The following GALNTL6 variants were observed in gnomAD, a reference collection of about 807,000 sequenced individuals.
The protein encoded by GALNTL6 is polypeptide N-acetylgalactosaminyltransferase-like 6.
GALNTL6 carries 46 observed loss-of-function variants against 73.7 expected under a neutral mutation model. The ratio of observed to expected loss-of-function variants is 0.62; its 90% CI spans 0.49 to 0.80. GALNTL6 has a LOEUF of 0.80. GALNTL6 is among the 30% of genes least tolerant of loss of function. The pLI is 0.00. For missense variants in GALNTL6, 604 were observed against 755.0 expected, an observed-to-expected ratio of 0.80 and a Z score of 2.34; for synonymous variants, 259 against 263.7, an observed-to-expected ratio of 0.98 and a Z score of 0.17.
intron 3 of GALNTL6, among the ~76,000 whole-genome samples, chr4:172,279,317 C>A (rs1738946437): frequency 6.6e-6 from 1 of 152,060 alleles, no homozygotes; most frequent in Non-Finnish European, 1.5e-5. Flanking sequence ...AATCAAATAT[C>A]TGATAAGGCA....
At chr4:172,705,674 C>G (rs1734307321) in intron 5 of GALNTL6, among the ~76,000 whole-genome samples, 2 of 151,984 alleles carry the variant, frequency 1.3e-5, no homozygotes, top group Non-Finnish European at 2.9e-5. Context: ...TCTTATAAGA[C>G]CAATGTGGTG....
chr4:172,213,085 A>G (rs868805124), intron 2 of GALNTL6, among the ~76,000 whole-genome samples: 7 of 135,550 alleles, frequency 5.2e-5, no homozygotes, highest in African/African-American at 1.5e-4. Context: ...AAAAAAATGC[A>G]TTTAAGTTTC....
At chr4:171,999,904 C>T (rs1740621193) in intron 2 of GALNTL6, among the ~76,000 whole-genome samples, 1 of 152,044 alleles carries the variant, frequency 6.6e-6, no homozygotes, top group Non-Finnish European at 1.5e-5. Context: ...AGCCTAACAC[C>T]GATATTCATA....
rs1733691450 is a variant in GALNTL6 at position 172,696,318 on chromosome 4, C to T, written c.554-113043C>T. Among the ~76,000 whole-genome samples, 3 of 152,300 alleles carry T rather than the reference C, an allele frequency of 2.0e-5. No individual in the cohort carries two copies. The South Asian group carries it at 6.2e-4, about 32-fold the overall frequency. On this transcript the variant is annotated intron_variant, in intron 5 of 12. Transcript: ENST00000506823. ...TTACAAACCTTAAAAGACTGTTTTC[C>T]TGTTGTTTCACATAATTTTAAATAT...
At chr4:172,434,838 T>C (rs908312075) in intron 5 of GALNTL6, among the ~76,000 whole-genome samples, 19 of 152,150 alleles carry the variant, frequency 1.2e-4, no homozygotes, top group African/African-American at 4.1e-4. Context: ...CTATATACTT[T>C]CTGATCTCAT....
intron 5 of GALNTL6, among the ~76,000 whole-genome samples, chr4:172,769,283 A>G (rs1738621873): frequency 6.6e-6 from 1 of 152,156 alleles, no homozygotes; most frequent in Non-Finnish European, 1.5e-5. Context: ...AAAAAAAGAT[A>G]TTTTAAAGAT....
intron 5 of GALNTL6, among the ~76,000 whole-genome samples, chr4:172,772,209 G>A (rs1321448003): frequency 1.3e-5 from 2 of 152,128 alleles, no homozygotes; most frequent in African/African-American, 4.8e-5. Flanking sequence ...ACAACATGTG[G>A]GAATTCAAAA....
chr4:172,214,063 C>A (rs919004996), intron 2 of GALNTL6, among the ~76,000 whole-genome samples: 2 of 152,200 alleles, frequency 1.3e-5, no homozygotes, highest in African/African-American at 4.8e-5. Flanking sequence ...ACTCTCCTTT[C>A]TCCACTGACT....
intron 2 of GALNTL6, among the ~76,000 whole-genome samples, chr4:172,028,633 C>T (rs114801678): frequency 9.3e-4 from 142 of 152,046 alleles, no homozygotes; most frequent in African/African-American, 3.0e-3. Context: ...TCTTTTTTAA[C>T]GGTCATTGGT....
chr4:172,335,184 G>C (rs1304611553), intron 4 of GALNTL6, among the ~76,000 whole-genome samples: 3 of 152,030 alleles, frequency 2.0e-5, no homozygotes. Context: ...CTGACCTTGT[G>C]ATCTACCCAC....
chr4:172,997,306 G>A (rs903924855), intron 10 of GALNTL6, among the ~76,000 whole-genome samples: 1 of 152,068 alleles, frequency 6.6e-6, no homozygotes, highest in Admixed American at 6.6e-5. Context: ...AATTAGACAT[G>A]GGTGCGAATC....
At chr4:172,951,465 G>GC (rs2126343855) in intron 9 of GALNTL6, among the ~76,000 whole-genome samples, 1 of 152,304 alleles carries the variant, frequency 6.6e-6, no homozygotes, top group African/African-American at 2.4e-5. Context: ...GCTTCCTTTA[G>GC]CCCCACTTCA....
At chr4:172,239,473 A>G (rs573946681) in intron 3 of GALNTL6, among the ~76,000 whole-genome samples, 1 of 151,968 alleles carries the variant, frequency 6.6e-6, no homozygotes, top group South Asian at 2.1e-4. Context: ...TTATTTGGAT[A>G]TTCTCTTTTT....
At chr4:172,221,295 T>C (rs1736667669) in intron 2 of GALNTL6, among the ~76,000 whole-genome samples, 1 of 151,840 alleles carries the variant, frequency 6.6e-6, no homozygotes, top group African/African-American at 2.4e-5. Context: ...ATATTGATTC[T>C]GGAGAACAAC....
intron 2 of GALNTL6, among the ~76,000 whole-genome samples, chr4:171,951,360 T>C (rs1319665824): frequency 6.6e-6 from 1 of 152,068 alleles, no homozygotes; most frequent in East Asian, 1.9e-4. Context: ...ATTGTAATGT[T>C]TGTATGTTAT....
At chr4:171,853,002 C>G (rs1403703418) in intron 2 of GALNTL6, among the ~76,000 whole-genome samples, 4 of 147,098 alleles carry the variant, frequency 2.7e-5, no homozygotes, top group Admixed American at 6.8e-5. Flanking sequence ...GCCGCCACCA[C>G]GCCCGGCTAA....
chr4:173,038,252 T>G (rs1449392099), intron 12 of GALNTL6, among the ~76,000 whole-genome samples: 1 of 152,156 alleles, frequency 6.6e-6, no homozygotes, highest in African/African-American at 2.4e-5. Context: ...GCTGGGAGAA[T>G]GAGCATGAGA....
intron 5 of GALNTL6, among the ~76,000 whole-genome samples, chr4:172,791,112 A>T (rs759950212): frequency 5.3e-5 from 8 of 152,164 alleles, no homozygotes; most frequent in Non-Finnish European, 1.0e-4. Flanking sequence ...AATGGGGAAG[A>T]CAATGTAATG....
chr4:172,796,237 T>C (rs1740255890), intron 5 of GALNTL6, among the ~76,000 whole-genome samples: 1 of 152,124 alleles, frequency 6.6e-6, no homozygotes, highest in South Asian at 2.1e-4. Context: ...TCCAGTTTGT[T>C]GGTTTGGTTT....
Sources: gnomAD v4.1 joint callset for allele counts (sites outside exome capture counted in the v4.1 genomes callset) on GRCh38, gnomAD v4.1.1 for gene constraint, MANE v1.5 for transcripts, NCBI Gene and HGNC (gene_info 2026-07-23, HGNC 2026-07-21) for gene names.